Variants in ZNF254 observed in about 807,000 individuals in gnomAD.
The protein encoded by ZNF254 is CTD-2017D11.1.
A neutral mutation model predicts 12.4 loss-of-function variants in ZNF254; 10 were observed. The ratio of observed to expected loss-of-function variants is 0.80; its 90% CI spans 0.50 to 1.36. ZNF254 has a LOEUF of 1.36. ZNF254 is among the 40% of genes most tolerant of loss of function. ZNF254 has a pLI of 0.00. For synonymous variants in ZNF254, 305 were observed against 253.4 expected (o/e 1.20, Z -1.93); for missense variants, 996 against 763.9 (o/e 1.30, Z -3.58).
At chr19:24,070,359 G>A (rs1971438889) in intron 2 of ZNF254, among the ~76,000 whole-genome samples, 1 of 152,192 alleles carries the variant, frequency 6.6e-6, no homozygotes, top group Admixed American at 6.5e-5. Context: ...CAGTAAATAT[G>A]TCATCCTTTT....
At chr19:24,092,919 T>C (rs1415974429) in intron 1 of ZNF254, among the ~76,000 whole-genome samples, 3 of 152,248 alleles carry the variant, frequency 2.0e-5, no homozygotes, top group Non-Finnish European at 2.9e-5. Flanking sequence ...TAATGTACAC[T>C]TTAACAGCAG....
At chr19:24,038,278 T>C (rs1484573865) in intron 1 of ZNF254, among the ~76,000 whole-genome samples, 3 of 152,328 alleles carry the variant, frequency 2.0e-5, no homozygotes, top group East Asian at 3.9e-4. Context: ...CTACCTCTCA[T>C]GAAGACATTA....
intron 2 of ZNF254, among the ~76,000 whole-genome samples, chr19:24,067,234 C>T (rs900167716): frequency 1.3e-5 from 2 of 151,892 alleles, no homozygotes; most frequent in Non-Finnish European, 2.9e-5. Context: ...TTCACTTTGT[C>T]CATAGGTTAG....
At chr19:24,047,305 A>AT (rs896079359) in intron 2 of ZNF254, among the ~76,000 whole-genome samples, 2 of 125,302 alleles carry the variant, frequency 1.6e-5, no homozygotes, top group African/African-American at 3.0e-5. Context: ...TTTCTTTTTA[A>AT]TTTTTTTTCC....
At chr19:24,125,906 G>A (rs1974801851) in intron 3 of ZNF254, among the ~76,000 whole-genome samples, 1 of 152,180 alleles carries the variant, frequency 6.6e-6, no homozygotes, top group African/African-American at 2.4e-5. Context: ...TTTTAAAACA[G>A]AAACCAAGAG....
intron 2 of ZNF254, among the ~76,000 whole-genome samples, chr19:24,046,840 T>A (rs1186536735): frequency 6.6e-6 from 1 of 151,864 alleles, no homozygotes; most frequent in African/African-American, 2.4e-5. Context: ...TTAGGTTCTA[T>A]TTTTTTCATC....
Position 24,063,345 on chromosome 19 carries a change from C to T in ZNF254, c.-94+17066C>T, listed in dbSNP as rs549347342. On this transcript the variant is annotated intron_variant, in intron 2 of 4. Coordinates refer to the ZNF254 transcript ENST00000613065. Reference sequence around the variant, plus strand: ...GGACCAGTCCACAGTGCCATATCACCGGGCCCATACCCTTGGTAATGTGAT... The same window carrying T: ...GGACCAGTCCACAGTGCCATATCACTGGGCCCATACCCTTGGTAATGTGAT... 8.5e-5 allele frequency among the ~76,000 whole-genome samples: 13 copies of T among 152,298 alleles called. No homozygotes were observed. In the East Asian group the frequency reaches 9.7e-4, roughly 11 times the overall value.
chr19:24,112,726 T>C (rs1157379380), intron 3 of ZNF254, among the ~76,000 whole-genome samples: 4 of 152,066 alleles, frequency 2.6e-5, no homozygotes, highest in Non-Finnish European at 5.9e-5. Context: ...TGAATGGGAG[T>C]TCACTCATGA....
At chr19:24,121,770 T>G (rs1449631647) in intron 3 of ZNF254, among the ~76,000 whole-genome samples, 1 of 152,110 alleles carries the variant, frequency 6.6e-6, no homozygotes, top group Non-Finnish European at 1.5e-5. Context: ...TTGGCCGGGC[T>G]GGTCTTGAAC....
At chr19:24,110,683 A>G (rs1050718550) in intron 3 of ZNF254, among the ~76,000 whole-genome samples, 2 of 152,186 alleles carry the variant, frequency 1.3e-5, no homozygotes, top group East Asian at 1.9e-4. Flanking sequence ...AATAACATTT[A>G]CCTATTTTAT....
chr19:24,083,020 G>A (rs1000284233), upstream of ZNF254, among the ~76,000 whole-genome samples: 3 of 152,154 alleles, frequency 2.0e-5, no homozygotes, highest in Non-Finnish European at 4.4e-5. Flanking sequence ...TAAAGAGGTA[G>A]TCAAATTGTC....
At chr19:24,069,353 A>C (rs950665060) in intron 2 of ZNF254, among the ~76,000 whole-genome samples, 19 of 147,302 alleles carry the variant, frequency 1.3e-4, no homozygotes, top group African/African-American at 4.5e-4. Flanking sequence ...TCAAGCCTGT[A>C]ATCCCAGCAC....
intron 1 of ZNF254, among the ~76,000 whole-genome samples, chr19:24,036,588 T>C (rs1969976704): frequency 6.6e-6 from 1 of 152,120 alleles, no homozygotes; most frequent in South Asian, 2.1e-4. Flanking sequence ...CCAGTTGGTG[T>C]TGGAGAATTG....
chr19:24,107,296 A>G, intron 3 of ZNF254: 3 of 577,548 alleles, frequency 5.2e-6, no homozygotes, highest in South Asian at 4.4e-5. Context: ...ACTTTGGATA[A>G]TATGGCAGTT....
At chr19:24,122,873 CATTCT>C (rs1974581622) in intron 3 of ZNF254, among the ~76,000 whole-genome samples, 1 of 152,170 alleles carries the variant, frequency 6.6e-6, no homozygotes, top group South Asian at 2.1e-4. Flanking sequence ...ATATGTGCTG[CATTCT>C]ATTTTATTAG....
chr19:24,063,188 A>G (rs960628754), intron 2 of ZNF254, among the ~76,000 whole-genome samples: 1 of 152,194 alleles, frequency 6.6e-6, no homozygotes, highest in African/African-American at 2.4e-5. Context: ...TAGACCCAAC[A>G]TGCAGGAAGT....
chr19:24,094,240 C>A (rs984578806), intron 1 of ZNF254, among the ~76,000 whole-genome samples: 1 of 151,950 alleles, frequency 6.6e-6, no homozygotes, highest in African/African-American at 2.4e-5. Context: ...TTCCTCTCTT[C>A]CTGTTTAAAT....
At chr19:24,063,397 G>C (rs1971148491) in intron 2 of ZNF254, among the ~76,000 whole-genome samples, 1 of 152,214 alleles carries the variant, frequency 6.6e-6, no homozygotes, top group Non-Finnish European at 1.5e-5. Flanking sequence ...AAAGCGCACA[G>C]TGGTCATTGT....
At chr19:24,068,032 A>G (rs1971341721) in intron 2 of ZNF254, among the ~76,000 whole-genome samples, 1 of 151,910 alleles carries the variant, frequency 6.6e-6, no homozygotes, top group African/African-American at 2.4e-5. Flanking sequence ...ACATGTTGTT[A>G]CATATCACTG....
Sources: gnomAD v4.1 joint callset for allele counts (sites outside exome capture counted in the v4.1 genomes callset) on GRCh38, gnomAD v4.1.1 for gene constraint, MANE v1.5 for transcripts, NCBI Gene and HGNC (gene_info 2026-07-23, HGNC 2026-07-21) for gene names.